FAM13C: variants seen among roughly 807,000 people sequenced by gnomAD.
FAM13C encodes protein FAM13C.
A neutral mutation model predicts 73.2 loss-of-function variants in FAM13C; 37 were observed. The observed-to-expected ratio is 0.51, with a 90% confidence interval of 0.39 to 0.67. The LOEUF is 0.67. FAM13C is among the 30% of genes least tolerant of loss of function. FAM13C has a pLI of 0.00. For missense variants in FAM13C, 589 were observed against 715.6 expected (o/e 0.82, Z 2.02); for synonymous variants, 246 against 260.9 (o/e 0.94, Z 0.55).
chr10:59,262,422 A>G lies in FAM13C; in HGVS notation c.1236+12T>C. Reference sequence around the variant, plus strand: ...ACAGGGGCCCTCTATATAACAAGACATGGTGATGTACCTTAGAATCCTCCT... The same window carrying G: ...ACAGGGGCCCTCTATATAACAAGACGTGGTGATGTACCTTAGAATCCTCCT... On this transcript the variant is annotated intron_variant, in intron 10 of 13. Coordinates refer to ENST00000618804, the MANE Select transcript of FAM13C (RefSeq NM_198215.4). 1 of 1,612,224 alleles carries G rather than the reference A, an allele frequency of 6.2e-7. No individual in the cohort carries two copies. The highest frequency in any genetic ancestry group is 8.5e-7 in the Non-Finnish European group (1 of 1,178,586).
chr10:59,334,068 GT>G (rs755800271), intron 3 of FAM13C, among the ~76,000 whole-genome samples: 2 of 151,998 alleles, frequency 1.3e-5, no homozygotes, highest in Non-Finnish European at 2.9e-5. Flanking sequence ...ATTTTGTTTT[GT>G]TTTTTTTCTT....
intron 10 of FAM13C, among the ~76,000 whole-genome samples, chr10:59,255,193 T>C (rs1175965946): frequency 1.3e-5 from 2 of 152,220 alleles, no homozygotes; most frequent in African/African-American, 4.8e-5. Flanking sequence ...TGACAGGCTG[T>C]GATATCAACT....
intron 11 of FAM13C, chr10:59,254,024 T>G (rs909380561): frequency 3.2e-6 from 1 of 317,444 alleles, no homozygotes; most frequent in Non-Finnish European, 5.7e-6. Flanking sequence ...AGGCTCTGTT[T>G]TGTCTAGCTG....
At chr10:59,359,345 T>G (rs1402717826) in intron 1 of FAM13C, among the ~76,000 whole-genome samples, 1 of 152,230 alleles carries the variant, frequency 6.6e-6, no homozygotes, top group Non-Finnish European at 1.5e-5. Flanking sequence ...AGACAGGGCA[T>G]GCCATTTCTT....
At chr10:59,328,780 G>T (rs1449076682) in intron 3 of FAM13C, among the ~76,000 whole-genome samples, 1 of 152,132 alleles carries the variant, frequency 6.6e-6, no homozygotes, top group East Asian at 1.9e-4. Context: ...TCACTCTATT[G>T]TTAATGCCTT....
intron 3 of FAM13C, among the ~76,000 whole-genome samples, chr10:59,329,365 TTTTTTTTTTTTTG>T: frequency 1.3e-5 from 1 of 78,462 alleles, no homozygotes; most frequent in African/African-American, 5.4e-5. Flanking sequence ...TTTTTTTTTT[TTTTTTTTTTTTTG>T]AGACAGAATC....
chr10:59,258,781 TC>T (rs1262960058), intron 10 of FAM13C, among the ~76,000 whole-genome samples: 1 of 152,188 alleles, frequency 6.6e-6, no homozygotes, highest in African/African-American at 2.4e-5. Flanking sequence ...GCCCTTTATC[TC>T]TAAGTCTACT....
At chr10:59,352,565 T>C (rs1855206311) in intron 2 of FAM13C, 91 bp from the exon 3 acceptor site, 1 of 1,356,536 alleles carries the variant, frequency 7.4e-7, no homozygotes, top group Non-Finnish European at 9.8e-7. Flanking sequence ...TCATTGCTGC[T>C]ATATTTATAG....
intron 10 of FAM13C, among the ~76,000 whole-genome samples, chr10:59,255,429 G>T (rs917101776): frequency 3.4e-5 from 5 of 145,956 alleles, no homozygotes; most frequent in African/African-American, 1.4e-4. Context: ...CCATCTATTT[G>T]TCTGTCTATG....
chr10:59,355,260 G>A (rs1223702766), intron 2 of FAM13C, among the ~76,000 whole-genome samples: 1 of 152,008 alleles, frequency 6.6e-6, no homozygotes, highest in Non-Finnish European at 1.5e-5. Flanking sequence ...CTGGCTCCTT[G>A]CCCACAAAAT....
intron 4 of FAM13C, among the ~76,000 whole-genome samples, chr10:59,315,515 G>T (rs11815025): frequency 0.11 from 16,409 of 152,070 alleles, 955 homozygotes; most frequent in Non-Finnish European, 0.13. Flanking sequence ...AAATCTGGGG[G>T]CTATTTGTGA....
At chr10:59,355,740 G>A (rs556891214) in intron 2 of FAM13C, 147 bp downstream of exon 2, 6 of 771,342 alleles carry the variant, frequency 7.8e-6, no homozygotes, top group Non-Finnish European at 1.3e-5. Context: ...CAAAAATTTT[G>A]TCAAGAGGTA....
chr10:59,259,925 G>C (rs2133439607), intron 10 of FAM13C, among the ~76,000 whole-genome samples: 1 of 152,178 alleles, frequency 6.6e-6, no homozygotes, highest in South Asian at 2.1e-4. Context: ...AAAGTCTTGG[G>C]CAAACTGGGA....
intron 1 of FAM13C, chr10:59,361,153 TA>T: frequency 8.0e-7 from 1 of 1,245,152 alleles, no homozygotes; most frequent in Non-Finnish European, 1.1e-6. Context: ...CAAGCAATCT[TA>T]TAAACAGAAT....
chr10:59,259,073 G>T (rs1208602312), intron 10 of FAM13C, among the ~76,000 whole-genome samples: 3 of 152,162 alleles, frequency 2.0e-5, no homozygotes, highest in Non-Finnish European at 4.4e-5. Flanking sequence ...AGGCACTACA[G>T]TTCAGCTCAG....
intron 4 of FAM13C, among the ~76,000 whole-genome samples, chr10:59,303,600 G>A (rs1205324791): frequency 6.6e-6 from 1 of 152,082 alleles, no homozygotes; most frequent in East Asian, 1.9e-4. Context: ...TGGGTACCAT[G>A]GTGCAATGGT....
chr10:59,338,907 A>C (rs967486181), intron 3 of FAM13C, among the ~76,000 whole-genome samples: 10 of 152,142 alleles, frequency 6.6e-5, no homozygotes, highest in African/African-American at 2.4e-4. Context: ...GATTACCATA[A>C]TTTGTTGGCT....
chr10:59,337,319 T>G (rs1172127187), intron 3 of FAM13C, among the ~76,000 whole-genome samples: 3 of 152,236 alleles, frequency 2.0e-5, no homozygotes, highest in African/African-American at 7.2e-5. Context: ...ACTGGCAGAC[T>G]TCCAGAAGCT....
At chr10:59,289,767 C>T (rs1015173798) in intron 5 of FAM13C, among the ~76,000 whole-genome samples, 7 of 152,150 alleles carry the variant, frequency 4.6e-5, no homozygotes, top group African/African-American at 1.7e-4. Context: ...ACATGCTTTT[C>T]CCTCTACAGA....
Sources: gnomAD v4.1 joint callset for allele counts (sites outside exome capture counted in the v4.1 genomes callset) on GRCh38, gnomAD v4.1.1 for gene constraint, MANE v1.5 for transcripts, NCBI Gene and HGNC (gene_info 2026-07-23, HGNC 2026-07-21) for gene names.